The following ZFAND3 variants were observed in gnomAD, a reference collection of about 807,000 sequenced individuals.
ZFAND3 encodes zinc finger AN1-type containing 3.
In ZFAND3, 10 loss-of-function variants were observed where a neutral mutation model predicts 29.6. The observed-to-expected ratio is 0.34, with a 90% confidence interval of 0.21 to 0.57. ZFAND3 has a LOEUF of 0.57. ZFAND3 is among the 20% of genes least tolerant of loss of function. The pLI is 0.86. For synonymous variants in ZFAND3, 128 were observed against 112.6 expected (o/e 1.14, Z -0.87); for missense variants, 230 against 304.5 (o/e 0.76, Z 1.82).
chr6:37,971,329 G>A (rs766172289), intron 2 of ZFAND3, among the ~76,000 whole-genome samples: 1 of 152,082 alleles, frequency 6.6e-6, no homozygotes, highest in Non-Finnish European at 1.5e-5. Context: ...CTTTGCAGGC[G>A]AATGAGTCCT....
Position 37,819,969 on chromosome 6 carries a change from C to T in ZFAND3, c.24C>T (p.Arg8=). The T allele has an allele frequency of 8.2e-7, 1 of 1,222,606 alleles. No homozygotes were observed. The highest frequency in any genetic ancestry group is 1.6e-5 in the African/African-American group (1 of 63,820). 75.7% of individuals were successfully genotyped at this position (1,222,606 alleles called of 1,614,324 possible). A position where few individuals can be genotyped will look rare whatever the true frequency, so the allele number is the denominator to read the frequency against. Residue 8 remains arginine (R), a synonymous_variant, in exon 1 of 6, where the codon CGC becomes CGT. Transcript: ENST00000287218. ...CCATGGGAGACGCTGGGAGCGAGCG[C>T]AGCAAAGCGCCCAGCCTGCCGCCTC... The part of the protein sequence containing the change: MGDAGSE[R]SKAPSLPPRC...
chr6:37,915,641 T>C (rs909028412), intron 1 of ZFAND3: 2 of 152,238 alleles, frequency 1.3e-5, no homozygotes, highest in African/African-American at 2.4e-5. Flanking sequence ...CTTGGGCTTA[T>C]CCATTGCACT....
chr6:37,993,446 C>T (rs1407832581), intron 2 of ZFAND3, among the ~76,000 whole-genome samples: 2 of 152,142 alleles, frequency 1.3e-5, no homozygotes, highest in African/African-American at 4.8e-5. Context: ...CCTGCCTCAC[C>T]CTCGCAAGTA....
intron 1 of ZFAND3, among the ~76,000 whole-genome samples, chr6:37,858,557 C>CAAAATATATAACAAATATATA (rs1191665928): frequency 3.9e-5 from 6 of 152,138 alleles, no homozygotes; most frequent in African/African-American, 1.4e-4. Context: ...AAAACATTTA[C>CAAAATATATAACAAATATATA]TTTGCAAATA....
chr6:37,915,538 A>G (rs1192958778), intron 1 of ZFAND3: 1 of 152,224 alleles, frequency 6.6e-6, no homozygotes, highest in African/African-American at 2.4e-5. Context: ...CCTAATTTTA[A>G]TAGTGTCCCA....
intron 2 of ZFAND3, among the ~76,000 whole-genome samples, chr6:37,943,165 A>G (rs183513797): frequency 8.5e-5 from 13 of 152,292 alleles, no homozygotes; most frequent in South Asian, 2.1e-4. Flanking sequence ...GAAACTAAAC[A>G]TAGGCATTTC....
chr6:38,004,052 A>T (rs1224133819), intron 2 of ZFAND3, among the ~76,000 whole-genome samples: 2 of 152,182 alleles, frequency 1.3e-5, no homozygotes, highest in Non-Finnish European at 2.9e-5. Flanking sequence ...AAATCCCATT[A>T]TCCAGCTATC....
At position 38,126,095 on chromosome 6, in the gene ZFAND3, T is replaced by C. The variant is rs372682317; in HGVS notation, c.529+9356T>C. Reference sequence around the variant, plus strand: ...GCCCCTTTTCAGTCGATCCATATTCTCTCCCACCCTAGCCCCAGCCAACCA... The same window carrying C: ...GCCCCTTTTCAGTCGATCCATATTCCCTCCCACCCTAGCCCCAGCCAACCA... On this transcript the variant is annotated intron_variant, in intron 5 of 5. Transcript: ENST00000287218. Among the ~76,000 whole-genome samples, 99 of 152,286 alleles carry C rather than the reference T, an allele frequency of 6.5e-4. 2 individuals are homozygous for C. The South Asian group carries it at 0.02, about 31-fold the overall frequency.
At chr6:37,850,362 A>G (rs1764258897) in intron 1 of ZFAND3, among the ~76,000 whole-genome samples, 1 of 152,158 alleles carries the variant, frequency 6.6e-6, no homozygotes, top group Non-Finnish European at 1.5e-5. Context: ...TCTGCTGTTT[A>G]CTTTGTGCCA....
chr6:37,910,821 T>C (rs1388886642), intron 1 of ZFAND3, among the ~76,000 whole-genome samples: 1 of 152,234 alleles, frequency 6.6e-6, no homozygotes. Context: ...GTCTGGCTTA[T>C]TTCACTTAAC....
At chr6:38,031,218 C>G (rs777172545) in intron 2 of ZFAND3, among the ~76,000 whole-genome samples, 1 of 152,074 alleles carries the variant, frequency 6.6e-6, no homozygotes, top group Non-Finnish European at 1.5e-5. Context: ...TTTGGGTCCC[C>G]TCTTTTTCAA....
chr6:37,918,107 C>T (rs778591865), intron 1 of ZFAND3, among the ~76,000 whole-genome samples: 1 of 152,024 alleles, frequency 6.6e-6, no homozygotes, highest in African/African-American at 2.4e-5. Flanking sequence ...TATGGAGTCT[C>T]GCTCTGTTGC....
At chr6:37,922,024 A>G (rs1271076307) in intron 1 of ZFAND3, among the ~76,000 whole-genome samples, 2 of 152,168 alleles carry the variant, frequency 1.3e-5, no homozygotes, top group Admixed American at 1.3e-4. Flanking sequence ...AGATCACACC[A>G]CTGCACTCCA....
chr6:38,114,000 T>C (rs1237988183), intron 4 of ZFAND3, among the ~76,000 whole-genome samples: 2 of 152,200 alleles, frequency 1.3e-5, no homozygotes, highest in Non-Finnish European at 2.9e-5. Context: ...CAGTTCTGTG[T>C]TAGAGTAGAG....
At chr6:37,904,030 A>G (rs192027363) in intron 1 of ZFAND3, among the ~76,000 whole-genome samples, 116 of 152,338 alleles carry the variant, frequency 7.6e-4, no homozygotes, top group African/African-American at 2.6e-3. Context: ...CTCAGAGCAG[A>G]TTCTTCAGCT....
intron 1 of ZFAND3, among the ~76,000 whole-genome samples, chr6:37,910,581 A>C (rs1765501940): frequency 6.6e-6 from 1 of 152,172 alleles, no homozygotes; most frequent in African/African-American, 2.4e-5. Flanking sequence ...CACCTCACAC[A>C]CCTATCATTT....
At chr6:38,060,933 G>A (rs975028806) in intron 2 of ZFAND3, among the ~76,000 whole-genome samples, 22 of 151,982 alleles carry the variant, frequency 1.4e-4, no homozygotes, top group African/African-American at 5.3e-4. Flanking sequence ...TTTGCATCCC[G>A]TGAATATTGT....
At chr6:38,099,135 G>A (rs1486736619) in intron 4 of ZFAND3, among the ~76,000 whole-genome samples, 2 of 152,110 alleles carry the variant, frequency 1.3e-5, no homozygotes, top group Non-Finnish European at 2.9e-5. Flanking sequence ...CAATTTAGGG[G>A]CCACAGAGGG....
At chr6:37,934,838 CAAAAAAAA>C (rs61670894) in intron 2 of ZFAND3, among the ~76,000 whole-genome samples, 4 of 70,606 alleles carry the variant, frequency 5.7e-5, no homozygotes, top group East Asian at 5.0e-4. Flanking sequence ...GACTCTGTCT[CAAAAAAAA>C]AAAAAAAAAA....
Sources: allele counts gnomAD v4.1 joint callset (sites outside exome capture counted in the v4.1 genomes callset), GRCh38; gene constraint gnomAD v4.1.1; transcripts MANE v1.5; gene names NCBI Gene and HGNC (gene_info 2026-07-23, HGNC 2026-07-21).